Variants in USP46 observed in about 807,000 individuals in gnomAD.
USP46 encodes ubiquitin specific peptidase 46.
In USP46, 12 loss-of-function variants were observed where a neutral mutation model predicts 44.4. The ratio of observed to expected loss-of-function variants is 0.27; its 90% CI spans 0.17 to 0.44. The LOEUF (loss-of-function observed/expected upper bound fraction) is 0.44, where lower values mean the gene tolerates loss of function less well. USP46 is among the 20% of genes least tolerant of loss of function. The probability of loss-of-function intolerance (pLI) is 1.00; values close to 1 mark genes in which losing one functional copy is unlikely to be tolerated. For synonymous variants in USP46, 155 were observed against 161.5 expected (o/e 0.96, Z 0.31); for missense variants, 248 against 444.8 (o/e 0.56, Z 3.98).
intron 8 of USP46, 174 bp downstream of exon 8, chr4:52,598,454 C>T: frequency 1.6e-6 from 1 of 632,156 alleles, no homozygotes; most frequent in Non-Finnish European, 2.8e-6. Flanking sequence ...CACACCCCTT[C>T]TCCCTTTCCA....
Position 52,595,523 on chromosome 4 carries a change from T to G in USP46, c.*2117A>C, listed in dbSNP as rs1354429143. ...AAAATCTATCCATGAATGCTGAATT[T>G]TAACTGACTCTTTCTATTAAAAGGA... On this transcript the variant is annotated 3_prime_UTR_variant, in exon 9 of 9. Coordinates refer to ENST00000441222, the MANE Select transcript of USP46 (RefSeq NM_022832.4). The G allele has an allele frequency of 9.2e-5, 14 of 152,318 alleles. No homozygotes were observed. The highest frequency in any genetic ancestry group is 9.2e-4 in the Admixed American group (14 of 15,282). 9.4% of individuals were successfully genotyped at this position (152,318 alleles called of 1,614,324 possible). A position where few individuals can be genotyped will look rare whatever the true frequency, so the allele number is the denominator to read the frequency against.
chr4:52,605,824 A>T (rs1050420915), intron 5 of USP46, among the ~76,000 whole-genome samples: 5 of 152,302 alleles, frequency 3.3e-5, no homozygotes, highest in Non-Finnish European at 7.4e-5. Flanking sequence ...CTCCAGCCAC[A>T]CTGGCCCTGG....
intron 5 of USP46, among the ~76,000 whole-genome samples, chr4:52,608,525 C>G (rs1716792701): frequency 6.6e-6 from 1 of 152,260 alleles, no homozygotes; most frequent in Non-Finnish European, 1.5e-5. Flanking sequence ...TCCATTTTCC[C>G]TGGCTCACCA....
chr4:52,658,251 A>T, intron 1 of USP46: 1 of 456,186 alleles, frequency 2.2e-6, no homozygotes, highest in African/African-American at 2.0e-5. Context: ...AGCAGGGTCC[A>T]GCCTGGGGAC....
chr4:52,639,401 G>C (rs1284715635), intron 1 of USP46, among the ~76,000 whole-genome samples: 1 of 152,154 alleles, frequency 6.6e-6, no homozygotes, highest in South Asian at 2.1e-4. Context: ...AGGACTCGGG[G>C]TCCTTTTATC....
At chr4:52,601,349 C>CT (rs1393646774) in intron 7 of USP46, among the ~76,000 whole-genome samples, 1 of 152,070 alleles carries the variant, frequency 6.6e-6, no homozygotes, top group Non-Finnish European at 1.5e-5. Flanking sequence ...TCTCTCTTAT[C>CT]TTTTTTCTGA....
rs773554543 is a variant in USP46 at position 52,629,626 on chromosome 4, T to C, written c.117+1438A>G. On this transcript the variant is annotated intron_variant, in intron 2 of 8. Transcript: ENST00000441222. ...TTCCATTTTTTCCTCTCTTACTCAG[T>C]ATCTCACCTTTCCCCAGACACCCTT... 5.5e-4 allele frequency: 249 copies of C among 456,158 alleles called. 4 individuals are homozygous for C. The highest frequency in any genetic ancestry group is 6.5e-4 in the Middle Eastern group (2 of 3,098). 28.3% of individuals were successfully genotyped at this position (456,158 alleles called of 1,614,324 possible).
intron 4 of USP46, among the ~76,000 whole-genome samples, chr4:52,623,271 A>T (rs1169209635): frequency 1.3e-5 from 2 of 152,230 alleles, no homozygotes; most frequent in Non-Finnish European, 2.9e-5. Context: ...CAATTGTCAT[A>T]TTTACAATAT....
intron 3 of USP46, among the ~76,000 whole-genome samples, chr4:52,626,868 C>T (rs1289990154): frequency 7.2e-5 from 11 of 152,190 alleles, no homozygotes; most frequent in Admixed American, 6.5e-4. Context: ...GATAAAATAT[C>T]AATTTTTAAT....
chr4:52,631,311 T>C (rs907002631), intron 1 of USP46, among the ~76,000 whole-genome samples, 167 bp from the exon 2 acceptor site: 4 of 152,212 alleles, frequency 2.6e-5, no homozygotes, highest in African/African-American at 4.8e-5. Context: ...GAAGAGTAGT[T>C]AATAATGTCA....
At chr4:52,631,322 G>A (rs1244943738) in intron 1 of USP46, among the ~76,000 whole-genome samples, 178 bp from the exon 2 acceptor site, 1 of 152,154 alleles carries the variant, frequency 6.6e-6, no homozygotes, top group Non-Finnish European at 1.5e-5. Context: ...AATAATGTCA[G>A]CCTTATTCTT....
rs924378812 is a variant in USP46, at chr4:52,591,650, G to T, written c.*5990C>A. 1 of 152,158 alleles carries T rather than the reference G, an allele frequency of 6.6e-6. No individual in the cohort carries two copies. The highest frequency in any genetic ancestry group is 6.5e-5 in the Admixed American group (1 of 15,280). The allele number at this position is 152,158 out of a possible 1,614,324, so 9.4% of individuals were successfully genotyped here. A position where few individuals can be genotyped will look rare whatever the true frequency, so the allele number is the denominator to read the frequency against. On this transcript the variant is annotated 3_prime_UTR_variant, in exon 9 of 9. Coordinates refer to ENST00000441222, the MANE Select transcript of USP46 (RefSeq NM_022832.4). ...CAATCTAATGTCATTTCTGACTCTGGTATCTCATAACCAAAATGAAGCTAT... is the reference window on the plus strand; with the variant it reads ...CAATCTAATGTCATTTCTGACTCTGTTATCTCATAACCAAAATGAAGCTAT...
chr4:52,636,034 T>C (rs983304921), intron 1 of USP46, among the ~76,000 whole-genome samples: 1 of 152,180 alleles, frequency 6.6e-6, no homozygotes, highest in African/African-American at 2.4e-5. Context: ...TGACCTGACA[T>C]GGCAAAAGGA....
Position 52,597,568 on chromosome 4 carries a change from A to G in USP46, c.*72T>C. 1 of 1,051,086 alleles carries G rather than the reference A, an allele frequency of 9.5e-7. No individual in the cohort carries two copies. Among genetic ancestry groups the G allele is most frequent in the South Asian group, 1.4e-5 (1 of 69,324 alleles). 65.1% of individuals were successfully genotyped at this position (1,051,086 alleles called of 1,614,324 possible). On this transcript the variant is annotated 3_prime_UTR_variant, in exon 9 of 9. Coordinates refer to ENST00000441222, the MANE Select transcript of USP46 (RefSeq NM_022832.4). ...TTAGTGGGCCACTGGGGAAGAGGAA[A>G]GCCTGCGGAGAAGCCGGGTGACAGT...
intron 1 of USP46, among the ~76,000 whole-genome samples, chr4:52,640,381 A>T (rs967732574): frequency 6.6e-6 from 1 of 152,210 alleles, no homozygotes; most frequent in African/African-American, 2.4e-5. Flanking sequence ...AATTTTTGAA[A>T]GAAGACTTGA....
intron 2 of USP46, chr4:52,629,834 G>A (rs992611797): frequency 2.3e-6 from 1 of 427,392 alleles, no homozygotes; most frequent in African/African-American, 2.0e-5. Flanking sequence ...ATGGGGAAAT[G>A]GAGGCTCAGA....
chr4:52,625,192 AGCATGG>A (rs1369375109), intron 4 of USP46, among the ~76,000 whole-genome samples: 1 of 152,202 alleles, frequency 6.6e-6, no homozygotes, highest in African/African-American at 2.4e-5. Flanking sequence ...CCATGTGCCA[AGCATGG>A]CTCTAGGTGT....
chr4:52,639,564 A>T (rs573035591), intron 1 of USP46, among the ~76,000 whole-genome samples: 1 of 152,214 alleles, frequency 6.6e-6, no homozygotes, highest in Non-Finnish European at 1.5e-5. Context: ...GAAGCTGCAC[A>T]CATTACTTTT....
chr4:52,631,271 A>G, intron 1 of USP46, 127 bp from the exon 2 acceptor site: 1 of 649,898 alleles, frequency 1.5e-6, no homozygotes, highest in Non-Finnish European at 2.5e-6. Context: ...TGATGTTTGC[A>G]CTGAAGAAAA....
Sources: allele counts gnomAD v4.1 joint callset (sites outside exome capture counted in the v4.1 genomes callset), GRCh38; gene constraint gnomAD v4.1.1; transcripts MANE v1.5; gene names NCBI Gene and HGNC (gene_info 2026-07-23, HGNC 2026-07-21).